The following GRM6 variants were observed in gnomAD, a reference collection of about 807,000 sequenced individuals.
GRM6 encodes the protein glutamate metabotropic receptor 6.
A neutral mutation model predicts 78.4 loss-of-function variants in GRM6; 73 were observed. That is an observed-to-expected ratio of 0.93 (90% CI 0.77 to 1.13). The LOEUF is 1.13. Ranked by LOEUF, GRM6 falls within the 50% of genes most tolerant of loss-of-function variation. The pLI, the probability that GRM6 is intolerant of heterozygous loss-of-function variation, is 0.00. For synonymous variants in GRM6, 580 were observed against 555.0 expected, an observed-to-expected ratio of 1.05 and a Z score of -0.63; for missense variants, 1,251 against 1,256.4, an observed-to-expected ratio of 1.00 and a Z score of 0.07.
rs754908638 is a variant in GRM6 at position 178,986,850 on chromosome 5, G to A, written c.1488C>T (p.Thr496=). Reference sequence around the variant, plus strand: ...TCTGCACACTCACATCCAGTCTGAGGGTCTCTGCCCACTGGCCCACTGCCT... The same window carrying A: ...TCTGCACACTCACATCCAGTCTGAGAGTCTCTGCCCACTGGCCCACTGCCT... ...GYQAVGQWAE[T]LRLDVEALQW... Residue 496 remains threonine, a synonymous_variant, in exon 8 of 11, where the codon ACC becomes ACT. Transcript: ENST00000517717. 5.0e-6 allele frequency: 8 copies of A among 1,613,838 alleles called. No homozygotes were observed. Among genetic ancestry groups the A allele is most frequent in the Middle Eastern group, 1.6e-4 (1 of 6,084 alleles).
At chr5:178,985,560 G>T in intron 9 of GRM6, 1 of 337,100 alleles carries the variant, frequency 3.0e-6, no homozygotes, top group Non-Finnish European at 5.8e-6. Flanking sequence ...AAAATTAGCC[G>T]GGCGTGGTGG....
chr5:178,990,809 C>T, intron 4 of GRM6, 63 bp from the exon 5 acceptor site: 1 of 1,315,994 alleles, frequency 7.6e-7, no homozygotes, highest in Non-Finnish European at 1.1e-6. Flanking sequence ...GGCCCCCATC[C>T]CTTCCCACTC....
At chr5:178,987,527 G>A (rs1054465537) in intron 7 of GRM6, 20 of 445,178 alleles carry the variant, frequency 4.5e-5, no homozygotes, top group Non-Finnish European at 8.6e-5. Flanking sequence ...TGGACCTGGA[G>A]GACATGATGC....
At position 178,994,803 on chromosome 5, in the gene GRM6, G is replaced by T; in HGVS notation, c.142C>A (p.His48Asn). ...GLTLGGLFPV[H>N]ARGAAGRACG... ...GCCCGGCCCGCCGCGCCCCGCGCGT[G>T]CACCGGGAACAGGCCGCCCAGCGTC... Residue 48 changes from histidine (H) to asparagine (N), a missense_variant, in exon 2 of 11, where the codon CAC becomes AAC. His to Asn is a moderately conservative substitution (Grantham distance 68). Coordinates refer to ENST00000517717, the MANE Select transcript of GRM6 (RefSeq NM_000843.4). The T allele has an allele frequency of 7.7e-7, 1 of 1,295,560 alleles. No individual in the cohort carries two copies. Among genetic ancestry groups the T allele is most frequent in the Non-Finnish European group, 9.8e-7 (1 of 1,018,954 alleles). The allele number at this position is 1,295,560 out of a possible 1,614,324, so 80.3% of individuals were successfully genotyped here.
In GRM6 at chr5:178,988,739, G is replaced by A. The variant is rs1760611990; in HGVS notation, c.1354+196C>T. Among the ~76,000 whole-genome samples the A allele has an allele frequency of 6.6e-6, 1 of 152,174 alleles. No individual in the cohort carries two copies. Among genetic ancestry groups the A allele is most frequent in the South Asian group, 2.1e-4 (1 of 4,828 alleles). ...TGTGCAAACCAGCGCAGGGAACACTGAAGCCTGGGGAGGGAGCAGTGTTAA... is the reference window on the plus strand; with the variant it reads ...TGTGCAAACCAGCGCAGGGAACACTAAAGCCTGGGGAGGGAGCAGTGTTAA... On this transcript the variant is annotated intron_variant, in intron 7 of 10. Transcript: ENST00000517717. This position sits in a 1 kb window ranked among gnomAD's most constrained non-coding sequence, Gnocchi z 6.0.
Position 178,981,561 on chromosome 5 carries a change from G to T in GRM6, c.*96C>A. 1 of 963,292 alleles carries T rather than the reference G, an allele frequency of 1.0e-6. No homozygotes were observed. The highest frequency in any genetic ancestry group is 1.6e-6 in the Non-Finnish European group (1 of 619,200). 59.7% of individuals were successfully genotyped at this position (963,292 alleles called of 1,614,324 possible). On this transcript the variant is annotated 3_prime_UTR_variant, in exon 11 of 11. Transcript: ENST00000517717. The surrounding 1 kb of genome is among the most constrained non-coding windows in gnomAD (Gnocchi z 5.1). ...TGGTCTTGGCAAACTCCCTGCCACT[G>T]ACTGTTCACCGTGGACCCGGGCTCT...
Position 178,981,891 on chromosome 5 carries a change from C to A in GRM6, c.2437-37G>T, listed in dbSNP as rs372122761. On this transcript the variant is annotated intron_variant, in intron 10 of 10. Coordinates refer to ENST00000517717, the MANE Select transcript of GRM6 (RefSeq NM_000843.4). The surrounding 1 kb of genome is among the most constrained non-coding windows in gnomAD (Gnocchi z 5.1). ...AAGAGGGGACCAGATGGGACTCAGC[C>A]CTGCTCTCCCTGCCCCGCTCCACAC... 8.2e-7 allele frequency: 1 copy of A among 1,214,018 alleles called. No individual in the cohort carries two copies. Among genetic ancestry groups the A allele is most frequent in the Non-Finnish European group, 1.2e-6 (1 of 815,638 alleles). 75.2% of individuals were successfully genotyped at this position (1,214,018 alleles called of 1,614,324 possible). A position where few individuals can be genotyped will look rare whatever the true frequency, so the allele number is the denominator to read the frequency against.
At chr5:178,983,760 A>C (rs537727070) in intron 9 of GRM6, among the ~76,000 whole-genome samples, 2 of 152,342 alleles carry the variant, frequency 1.3e-5, no homozygotes, top group Non-Finnish European at 2.9e-5. Context: ...AGGCCCTCAC[A>C]GGGAGGAGAT....
At chr5:178,989,485 A>C in intron 5 of GRM6, 80 bp from the exon 6 acceptor site, 31 of 1,578,954 alleles carry the variant, frequency 2.0e-5, no homozygotes, top group Non-Finnish European at 2.4e-5. Context: ...CCACTTGCTC[A>C]CTTTCAGCTA....
chr5:178,986,953 T>G lies in GRM6; in HGVS notation c.1385A>C (p.Glu462Ala), dbSNP rs1760577609. 2 of 1,614,032 alleles carry G rather than the reference T, an allele frequency of 1.2e-6. No homozygotes were observed. The highest frequency in any genetic ancestry group is 1.3e-5 in the African/African-American group (1 of 75,058). The change falls in exon 8 of 11, where the codon GAG becomes GCG. Residue 462 changes from glutamate to alanine, a missense_variant. By Grantham distance (107) the Glu-to-Ala change is moderately radical. Coordinates refer to ENST00000517717, the MANE Select transcript of GRM6 (RefSeq NM_000843.4). ...GTACCGCCCGGGCGCATCTCCGTTCTCGTTGAACATCACAGGGGTTCCTGC... is the reference window on the plus strand; with the variant it reads ...GTACCGCCCGGGCGCATCTCCGTTCGCGTTGAACATCACAGGGGTTCCTGC... The part of the protein sequence containing the change: ...GSAGTPVMFN[E>A]NGDAPGRYDI...
chr5:178,987,497 G>A (rs1159405407), intron 7 of GRM6: 2 of 454,916 alleles, frequency 4.4e-6, no homozygotes, highest in Admixed American at 2.4e-5. Context: ...AGGCAGTTCT[G>A]ACCCATGCTA....
chr5:178,992,018 G>A lies in GRM6; in HGVS notation c.570C>T (p.Phe190=), dbSNP rs145040772. 3.7e-6 allele frequency: 6 copies of A among 1,613,964 alleles called. No individual in the cohort carries two copies. Among genetic ancestry groups the A allele is most frequent in the Non-Finnish European group, 5.1e-6 (6 of 1,179,954 alleles). ...AGGAGTCGGGTGGCACCACCCGGGA[G>A]AAGAAGTCATAGCGTGTGGAGTCGC... is the stretch of plus-strand genomic sequence containing the variant. ...ELSDSTRYDF[F]SRVVPPDSYQ... The change falls in exon 3 of 11, where the codon TTC becomes TTT. Residue 190 remains phenylalanine, a synonymous_variant. Transcript: ENST00000517717. This position sits in a 1 kb window ranked among gnomAD's most constrained non-coding sequence, Gnocchi z 4.9.
chr5:178,985,712 AAACAAAAC>A (rs1561717069), intron 9 of GRM6: 3 of 414,490 alleles, frequency 7.2e-6, no homozygotes, highest in Non-Finnish European at 1.4e-5. Context: ...AAAAAAAAAA[AAACAAAAC>A]AACACAGGAA....
chr5:178,986,463 G>A lies in GRM6; in HGVS notation c.1791C>T (p.Ile597=), dbSNP rs201785875. The part of the protein sequence containing the change: ...APPLLLAVLG[I]VATTTVVATF... ...TGGCCACCACCGTGGTAGTGGCCAC[G>A]ATGCCCAGCACGGCCAGGAGGAGCG... is the stretch of plus-strand genomic sequence containing the variant. Residue 597 remains isoleucine, a synonymous_variant, in exon 9 of 11, where the codon ATC becomes ATT. Transcript: ENST00000517717. The A allele has an allele frequency of 4.8e-4, 782 of 1,612,596 alleles. 2 individuals are homozygous for A. The highest frequency in any genetic ancestry group is 5.2e-4 in the Admixed American group (31 of 59,996).
Position 178,983,089 on chromosome 5 carries a change from C to T in GRM6, c.2257G>A (p.Gly753Ser), listed in dbSNP as rs79602188. 343 of 1,614,022 alleles carry T rather than the reference C, an allele frequency of 2.1e-4. 3 individuals are homozygous for T. In the East Asian group the frequency reaches 5.6e-3, roughly 26 times the overall value. Reference protein sequence around the residue: ...KCDMSDLSLIGCLGYSLLLMV... With the variant: ...KCDMSDLSLISCLGYSLLLMV... ...AGCAGGAGGCTGTAGCCCAGGCAGC[C>T]GATGAGAGACAGATCCGACATGTCG... is the stretch of plus-strand genomic sequence containing the variant. The change falls in exon 10 of 11, where the codon GGC becomes AGC. Residue 753 changes from glycine (G) to serine (S), a missense_variant. Coordinates refer to ENST00000517717, the MANE Select transcript of GRM6 (RefSeq NM_000843.4).
At chr5:178,984,771 G>A (rs918673165) in intron 9 of GRM6, among the ~76,000 whole-genome samples, 1 of 152,262 alleles carries the variant, frequency 6.6e-6, no homozygotes, top group African/African-American at 2.4e-5. Flanking sequence ...CCCGAGGCAC[G>A]TGGCGTGTGT....
Position 178,991,732 on chromosome 5 carries a change from G to T in GRM6, c.721+135C>A. 1 of 1,109,478 alleles carries T rather than the reference G, an allele frequency of 9.0e-7. No homozygotes were observed. Among genetic ancestry groups the T allele is most frequent in the Non-Finnish European group, 1.4e-6 (1 of 738,780 alleles). 68.7% of individuals were successfully genotyped at this position (1,109,478 alleles called of 1,614,324 possible). A position where few individuals can be genotyped will look rare whatever the true frequency, so the allele number is the denominator to read the frequency against. ...GAGTCGTCCAAAACAAAGAGGTCCC[G>T]CCCACATGGAGCACCAGCCAGGCAA... On this transcript the variant is annotated intron_variant, in intron 3 of 10. Coordinates refer to ENST00000517717, the MANE Select transcript of GRM6 (RefSeq NM_000843.4). This position sits in a 1 kb window ranked among gnomAD's most constrained non-coding sequence, Gnocchi z 5.0.
At chr5:178,993,477 T>C (rs1760717651) in intron 2 of GRM6, among the ~76,000 whole-genome samples, 1 of 152,196 alleles carries the variant, frequency 6.6e-6, no homozygotes, top group Non-Finnish European at 1.5e-5. Context: ...GGGGCTTTCA[T>C]GTGCGCAGAC....
chr5:178,989,440 A>C lies in GRM6; in HGVS notation c.1013-35T>G, dbSNP rs763783349. The C allele has an allele frequency of 3.7e-6, 6 of 1,613,252 alleles. No individual in the cohort carries two copies. The South Asian group carries it at 6.6e-5, about 18-fold the overall frequency. ...GGGAAGAAGGGGGAGGGTGGCGCTG[A>C]CCTGAGCCAGCTGTGTTTCTCCTGT... On this transcript the variant is annotated intron_variant, in intron 5 of 10. Transcript: ENST00000517717.
Sources: allele counts gnomAD v4.1 joint callset (sites outside exome capture counted in the v4.1 genomes callset), GRCh38; gene constraint gnomAD v4.1.1; non-coding constraint Gnocchi (gnomAD v3.1); transcripts MANE v1.5; gene names NCBI Gene and HGNC (gene_info 2026-07-23, HGNC 2026-07-21).